ZFPM2: variants seen among roughly 807,000 people sequenced by gnomAD.
ZFPM2 encodes the protein zinc finger protein ZFPM2.
ZFPM2 carries 20 observed loss-of-function variants against 98.6 expected under a neutral mutation model. The observed-to-expected ratio is 0.20, with a 90% CI of 0.14 to 0.29. The LOEUF (loss-of-function observed/expected upper bound fraction) is 0.29, where lower values mean the gene tolerates loss of function less well. ZFPM2 is among the 10% of genes least tolerant of loss of function. The pLI is 1.00. For synonymous variants in ZFPM2, 518 were observed against 502.7 expected (o/e 1.03, Z -0.41); for missense variants, 1,310 against 1,388.6 (o/e 0.94, Z 0.90).
chr8:105,488,102 AT>A (rs1813272033), intron 3 of ZFPM2, among the ~76,000 whole-genome samples: 1 of 152,172 alleles, frequency 6.6e-6, no homozygotes, highest in Non-Finnish European at 1.5e-5. Context: ...GTTACAATTG[AT>A]GAATCTGTAT....
At chr8:105,520,706 G>T (rs1814035492) in intron 3 of ZFPM2, among the ~76,000 whole-genome samples, 1 of 152,016 alleles carries the variant, frequency 6.6e-6, no homozygotes, top group African/African-American at 2.4e-5. Flanking sequence ...ATTATTTCTG[G>T]GTGGGAAGGA....
chr8:105,338,473 T>C (rs750152013), intron 1 of ZFPM2, among the ~76,000 whole-genome samples: 1 of 151,904 alleles, frequency 6.6e-6, no homozygotes, highest in South Asian at 2.1e-4. Flanking sequence ...AAGATAACTT[T>C]TGTTAAGTCT....
Position 105,484,693 on chromosome 8 carries a change from C to A in ZFPM2, c.301+40312C>A, listed in dbSNP as rs186533413. Among the ~76,000 whole-genome samples, 1,296 of 152,248 alleles carry A rather than the reference C, an allele frequency of 8.5e-3. 7 individuals carry two copies. Among genetic ancestry groups the A allele is most frequent in the Middle Eastern group, 0.027 (8 of 294 alleles). Reference sequence around the variant, plus strand: ...TGGCTACTATTTTTATTGTTATCATCCCCAGAAGATTATAAGGGCCTGTCC... The same window carrying A: ...TGGCTACTATTTTTATTGTTATCATACCCAGAAGATTATAAGGGCCTGTCC... On this transcript the variant is annotated intron_variant, in intron 3 of 7. Transcript: ENST00000407775.
At chr8:105,709,079 G>A (rs1811324110) in intron 5 of ZFPM2, among the ~76,000 whole-genome samples, 2 of 152,124 alleles carry the variant, frequency 1.3e-5, no homozygotes, top group South Asian at 4.1e-4. Flanking sequence ...GTAGAGAAAG[G>A]GGAGAACCTG....
intron 3 of ZFPM2, among the ~76,000 whole-genome samples, chr8:105,506,323 A>G (rs1369069328): frequency 6.6e-6 from 1 of 152,174 alleles, no homozygotes; most frequent in Non-Finnish European, 1.5e-5. Flanking sequence ...TTTCATCTAC[A>G]TACACATGCA....
chr8:105,398,828 C>T (rs1325742600), intron 1 of ZFPM2, among the ~76,000 whole-genome samples: 1 of 152,100 alleles, frequency 6.6e-6, no homozygotes, highest in Non-Finnish European at 1.5e-5. Flanking sequence ...TGTGGCACCA[C>T]TTTGTGTAAG....
intron 3 of ZFPM2, among the ~76,000 whole-genome samples, chr8:105,471,667 A>G (rs775297339): frequency 1.2e-4 from 19 of 152,154 alleles, no homozygotes; most frequent in Non-Finnish European, 2.5e-4. Context: ...ATGGTACGCA[A>G]GCGGAACCTT....
chr8:105,469,790 G>A (rs1301838234), intron 3 of ZFPM2, among the ~76,000 whole-genome samples: 1 of 152,136 alleles, frequency 6.6e-6, no homozygotes, highest in African/African-American at 2.4e-5. Context: ...CTGTTATTAA[G>A]CCCATGTTTT....
At chr8:105,586,995 G>A (rs866025009) in intron 4 of ZFPM2, among the ~76,000 whole-genome samples, 4 of 151,350 alleles carry the variant, frequency 2.6e-5, no homozygotes, top group Non-Finnish European at 1.5e-5. Flanking sequence ...CTTTGGACTT[G>A]GCCAGGCACG....
At chr8:105,595,581 C>T (rs1268478314) in intron 4 of ZFPM2, among the ~76,000 whole-genome samples, 2 of 152,052 alleles carry the variant, frequency 1.3e-5, no homozygotes, top group African/African-American at 2.4e-5. Flanking sequence ...TATACAAAGT[C>T]ATGAAAGCAT....
chr8:105,408,684 T>A (rs1811516123), intron 1 of ZFPM2, among the ~76,000 whole-genome samples: 1 of 151,420 alleles, frequency 6.6e-6, no homozygotes, highest in African/African-American at 2.4e-5. Context: ...ATGTGAGGAT[T>A]TTTTTTTTCT....
chr8:105,500,962 A>G (rs140335748), intron 3 of ZFPM2, among the ~76,000 whole-genome samples: 50 of 152,072 alleles, frequency 3.3e-4, no homozygotes, highest in African/African-American at 1.2e-3. Flanking sequence ...GTTTACTTCT[A>G]TAATGATTTC....
chr8:105,470,324 TA>T (rs745822750), intron 3 of ZFPM2, among the ~76,000 whole-genome samples: 21 of 152,312 alleles, frequency 1.4e-4, no homozygotes, highest in Non-Finnish European at 2.4e-4. Context: ...AAAAGTAAGC[TA>T]ATTTTGTTGT....
chr8:105,661,278 G>C (rs1231085283), intron 5 of ZFPM2, among the ~76,000 whole-genome samples: 1 of 152,088 alleles, frequency 6.6e-6, no homozygotes, highest in Non-Finnish European at 1.5e-5. Flanking sequence ...AAAATAGAAA[G>C]ACTTTGTTTC....
chr8:105,441,486 G>GAAAGAAAGAAAGAAAGAAAGAAAGAAAA (rs1554604938), intron 2 of ZFPM2, among the ~76,000 whole-genome samples: 1 of 74,062 alleles, frequency 1.4e-5, no homozygotes, highest in East Asian at 3.0e-4. Flanking sequence ...AAGAAAGAAA[G>GAAAGAAAGAAAGAAAGAAAGAAAGAAAA]AAAGAAAGAA....
At chr8:105,620,849 T>G (rs1816524792) in intron 4 of ZFPM2, among the ~76,000 whole-genome samples, 1 of 152,104 alleles carries the variant, frequency 6.6e-6, no homozygotes, top group Non-Finnish European at 1.5e-5. Flanking sequence ...TGTAGATGTG[T>G]GGTATTATTT....
At chr8:105,664,425 T>A (rs1238299251) in intron 5 of ZFPM2, among the ~76,000 whole-genome samples, 2 of 151,586 alleles carry the variant, frequency 1.3e-5, no homozygotes, top group African/African-American at 4.8e-5. Context: ...AACCTCTGCC[T>A]CCGGGTTCAA....
chr8:105,366,166 T>C lies in ZFPM2; in HGVS notation c.40+47185T>C, dbSNP rs192632039. ...AATGACATATTGACTTGTGAACACA[T>C]TGAATTGAGGTCAGTTGCTTCTTCA... On this transcript the variant is annotated intron_variant, in intron 1 of 7. Coordinates refer to ENST00000407775, the MANE Select transcript of ZFPM2 (RefSeq NM_012082.4). 5.9e-5 allele frequency among the ~76,000 whole-genome samples: 9 copies of C among 152,296 alleles called. No homozygotes were observed. The East Asian group carries it at 1.7e-3, about 29-fold the overall frequency.
intron 3 of ZFPM2, among the ~76,000 whole-genome samples, chr8:105,547,542 CAAAAAAAAAAA>C (rs148322534): frequency 0.075 from 3,559 of 47,158 alleles, 78 homozygotes; most frequent in Non-Finnish European, 0.11. Flanking sequence ...AACTCCATCT[CAAAAAAAAAAA>C]AAAAAAAAAA....
Sources: allele counts gnomAD v4.1 joint callset (sites outside exome capture counted in the v4.1 genomes callset), GRCh38; gene constraint gnomAD v4.1.1; transcripts MANE v1.5; gene names NCBI Gene and HGNC (gene_info 2026-07-23, HGNC 2026-07-21).